The following RASGRP4 variants were observed in gnomAD, a reference collection of about 807,000 sequenced individuals.
RASGRP4 encodes RAS guanyl releasing protein 4, also known as RAS guanyl-releasing protein 4.
RASGRP4 carries 52 observed loss-of-function variants against 84.4 expected under a neutral mutation model. The ratio of observed to expected loss-of-function variants is 0.62; its 90% CI spans 0.49 to 0.78. The LOEUF (loss-of-function observed/expected upper bound fraction) is 0.78, where lower values mean the gene tolerates loss of function less well. Among genes scored for constraint, RASGRP4 ranks in the 30% least tolerant of loss-of-function variants. The pLI is 0.00. For missense variants in RASGRP4, 760 were observed against 886.9 expected, an observed-to-expected ratio of 0.86 and a Z score of 1.82; for synonymous variants, 356 against 359.1, an observed-to-expected ratio of 0.99 and a Z score of 0.10.
rs367931387 is a variant in RASGRP4, at chr19:38,409,803, C to T, written c.*237G>A. 2 of 408,832 alleles carry T rather than the reference C, an allele frequency of 4.9e-6. No homozygotes were observed. The highest frequency in any genetic ancestry group is 4.2e-5 in the African/African-American group (2 of 47,802). 25.3% of individuals were successfully genotyped at this position (408,832 alleles called of 1,614,324 possible). A position where few individuals can be genotyped will look rare whatever the true frequency, so the allele number is the denominator to read the frequency against. The stretch of plus-strand genomic sequence containing the variant: ...GAGGCCTGAGTCTAAATGTATCCAA[C>T]ACACAGCCGCACAGATACTAAGTGC... On this transcript the variant is annotated 3_prime_UTR_variant, in exon 17 of 17. Coordinates refer to ENST00000615439, the MANE Select transcript of RASGRP4 (RefSeq NM_170604.3).
rs1971537097 is a variant in RASGRP4 at position 38,417,266 on chromosome 19, T to A, written c.838-98A>T. The A allele has an allele frequency of 2.7e-6, 2 of 740,408 alleles. No individual in the cohort carries two copies. The highest frequency in any genetic ancestry group is 4.1e-5 in the Admixed American group (2 of 48,556). 45.9% of individuals were successfully genotyped at this position (740,408 alleles called of 1,614,324 possible). A position where few individuals can be genotyped will look rare whatever the true frequency, so the allele number is the denominator to read the frequency against. On this transcript the variant is annotated intron_variant, in intron 7 of 16. Transcript: ENST00000615439. The surrounding 1 kb of genome is among the most constrained non-coding windows in gnomAD (Gnocchi z 5.1). ...CAGTTGAGGTGGGGTCCCAGGCATG[T>A]GTGGACCAATGTGGGGATCAGACAG...
intron 4 of RASGRP4, 105 bp downstream of exon 4, chr19:38,420,803 G>A: frequency 8.6e-7 from 1 of 1,166,900 alleles, no homozygotes; most frequent in Non-Finnish European, 1.3e-6. Flanking sequence ...GGGGCTGGTT[G>A]GGTCTGTGGG....
In RASGRP4 at chr19:38,411,360, C is replaced by T; in HGVS notation, c.1702G>A (p.Gly568Ser). The T allele has an allele frequency of 8.2e-6, 13 of 1,593,790 alleles. No individual in the cohort carries two copies. Among genetic ancestry groups the T allele is most frequent in the Non-Finnish European group, 1.1e-5 (13 of 1,169,654 alleles). The change falls in exon 14 of 17, where the codon GGC (glycine) becomes AGC (serine). Residue 568 changes from glycine to serine, a missense_variant. By Grantham distance (56) the Gly-to-Ser change is moderately conservative. Transcript: ENST00000615439. ...CCCCACTCACCCCGACAGCGGTAGC[C>T]TTGCTTGGTGACACCCCAGAGCTGG... ...SGFLWGVTKQ[G>S]YRCRECGLCC...
chr19:38,413,286 G>C lies in RASGRP4; in HGVS notation c.1323C>G (p.Pro441=), dbSNP rs1217535139. ...PRCPKSLPPS[P]FNAPLVVEWA... Reference sequence around the variant, plus strand: ...ACTCCACCACCAGAGGTGCATTGAAGGGGGAGGGTGGCTGGGGCGGGGACA... The same window carrying C: ...ACTCCACCACCAGAGGTGCATTGAACGGGGAGGGTGGCTGGGGCGGGGACA... The change falls in exon 11 of 17, where the codon CCC becomes CCG. Residue 441 remains proline, a synonymous_variant. Coordinates refer to ENST00000615439, the MANE Select transcript of RASGRP4 (RefSeq NM_170604.3). The surrounding 1 kb of genome is among the most constrained non-coding windows in gnomAD (Gnocchi z 4.7). The C allele has an allele frequency of 1.9e-6, 3 of 1,613,706 alleles. No individual in the cohort carries two copies. Among genetic ancestry groups the C allele is most frequent in the East Asian group, 2.2e-5 (1 of 44,876 alleles).
rs111394357 is a variant in RASGRP4 at position 38,412,284 on chromosome 19, A to AT, written c.1680+387dup. The AT allele has an allele frequency of 0.078, 14,004 of 179,238 alleles. 654 individuals carry two copies. Among genetic ancestry groups the AT allele is most frequent in the African/African-American group, 0.11 (4,752 of 41,910 alleles). 11.1% of individuals were successfully genotyped at this position (179,238 alleles called of 1,614,324 possible). On this transcript the variant is annotated intron_variant, in intron 13 of 16. Transcript: ENST00000615439. This position sits in a 1 kb window ranked among gnomAD's most constrained non-coding sequence, Gnocchi z 4.6. ...AGGTATGCACCACCACATGCAGCTA[A>AT]TTTTTGTATTTTTAGTAGAGACGGG...
At chr19:38,420,361 G>T in intron 4 of RASGRP4, 99 bp from the exon 5 acceptor site, 2 of 1,381,366 alleles carry the variant, frequency 1.4e-6, no homozygotes, top group East Asian at 2.4e-5. Context: ...TGAGCTAGGG[G>T]GTCTCTAAAT....
intron 8 of RASGRP4, among the ~76,000 whole-genome samples, chr19:38,416,748 C>T (rs1461745562): frequency 1.3e-5 from 2 of 152,184 alleles, no homozygotes; most frequent in Non-Finnish European, 2.9e-5. Flanking sequence ...CTGCCACTTT[C>T]TGACCTCAGC....
At chr19:38,416,463 CAA>C (rs765219678) in intron 8 of RASGRP4, among the ~76,000 whole-genome samples, 1,490 of 58,518 alleles carry the variant, frequency 0.025, 16 homozygotes, top group African/African-American at 0.056. Context: ...GACTCTGTCT[CAA>C]AAAAAAAAAA....
intron 2 of RASGRP4, among the ~76,000 whole-genome samples, chr19:38,421,642 G>A (rs942783450): frequency 2.6e-5 from 4 of 152,012 alleles, no homozygotes; most frequent in African/African-American, 9.7e-5. Flanking sequence ...AACCCAGGAG[G>A]TGGGGGTTGC....
intron 1 of RASGRP4, among the ~76,000 whole-genome samples, chr19:38,423,734 G>A (rs920519591): frequency 1.3e-5 from 2 of 152,204 alleles, no homozygotes; most frequent in Middle Eastern, 3.4e-3. Flanking sequence ...CTACTCAGGA[G>A]GCTGAGGCAG....
rs986196766 is a variant in RASGRP4, at chr19:38,417,201, C to T, written c.838-33G>A. 19 of 1,429,502 alleles carry T rather than the reference C, an allele frequency of 1.3e-5. No individual in the cohort carries two copies. Among genetic ancestry groups the T allele is most frequent in the Middle Eastern group, 1.7e-4 (1 of 5,772 alleles). 88.6% of individuals were successfully genotyped at this position (1,429,502 alleles called of 1,614,324 possible). On this transcript the variant is annotated intron_variant, in intron 7 of 16. Transcript: ENST00000615439. The surrounding 1 kb of genome is among the most constrained non-coding windows in gnomAD (Gnocchi z 5.1). ...GAGAAGCATGCACACAGGGCCGTCA[C>T]GGGAGGGAGGGCAAGTCAGGAGTTC...
chr19:38,416,609 C>T (rs1181124814), intron 8 of RASGRP4, among the ~76,000 whole-genome samples: 1 of 152,092 alleles, frequency 6.6e-6, no homozygotes, highest in Non-Finnish European at 1.5e-5. Flanking sequence ...CACACTGTAC[C>T]CAGCCTATAA....
chr19:38,418,719 T>C lies in RASGRP4; in HGVS notation c.664-155A>G, dbSNP rs1033231099. 6.6e-6 allele frequency among the ~76,000 whole-genome samples: 1 copy of C among 152,236 alleles called. No homozygotes were observed. Among genetic ancestry groups the C allele is most frequent in the Non-Finnish European group, 1.5e-5 (1 of 68,044 alleles). On this transcript the variant is annotated intron_variant, in intron 6 of 16. Coordinates refer to ENST00000615439, the MANE Select transcript of RASGRP4 (RefSeq NM_170604.3). The surrounding 1 kb of genome is among the most constrained non-coding windows in gnomAD (Gnocchi z 4.6). The stretch of plus-strand genomic sequence containing the variant: ...CCAACCCTCAGGCTGCTACATGTCC[T>C]TAACGTCACCATGCTCCTCTCCCAT...
intron 13 of RASGRP4, among the ~76,000 whole-genome samples, chr19:38,411,786 T>C (rs1971267934): frequency 6.6e-6 from 1 of 152,238 alleles, no homozygotes; most frequent in African/African-American, 2.4e-5. Context: ...GTTACTAAAA[T>C]GCAAATTCTA....
At position 38,417,172 on chromosome 19, in the gene RASGRP4, G is replaced by A. The variant is rs372712950; in HGVS notation, c.838-4C>T. Reference sequence around the variant, plus strand: ...AATTCTGCAGCTGGTGGAGCCTCTAGGAAGAGAAGCATGCACACAGGGCCG... The same window carrying A: ...AATTCTGCAGCTGGTGGAGCCTCTAAGAAGAGAAGCATGCACACAGGGCCG... On this transcript the variant is annotated splice_region_variant and splice_polypyrimidine_tract_variant and intron_variant, in intron 7 of 16. Transcript: ENST00000615439. The surrounding 1 kb of genome is among the most constrained non-coding windows in gnomAD (Gnocchi z 5.1). 1.9e-6 allele frequency: 3 copies of A among 1,547,630 alleles called. No individual in the cohort carries two copies. Among genetic ancestry groups the A allele is most frequent in the Non-Finnish European group, 8.8e-7 (1 of 1,142,468 alleles).
Position 38,426,185 on chromosome 19 carries a change from A to T in RASGRP4, c.-94T>A. 2.0e-6 allele frequency: 2 copies of T among 1,022,750 alleles called. No individual in the cohort carries two copies. Among genetic ancestry groups the T allele is most frequent in the Non-Finnish European group, 1.3e-6 (1 of 783,000 alleles). The allele number at this position is 1,022,750 out of a possible 1,614,324, so 63.4% of individuals were successfully genotyped here. A position where few individuals can be genotyped will look rare whatever the true frequency, so the allele number is the denominator to read the frequency against. Reference sequence around the variant, plus strand: ...GACTCCAGCTTCTCAGCCCCTAGGGAGCTGGGGCCTCCTCGGTGCTTGGGA... The same window carrying T: ...GACTCCAGCTTCTCAGCCCCTAGGGTGCTGGGGCCTCCTCGGTGCTTGGGA... On this transcript the variant is annotated 5_prime_UTR_variant, in exon 1 of 17. Coordinates refer to ENST00000615439, the MANE Select transcript of RASGRP4 (RefSeq NM_170604.3).
At chr19:38,415,580 C>G (rs1284836875) in intron 8 of RASGRP4, among the ~76,000 whole-genome samples, 2 of 151,560 alleles carry the variant, frequency 1.3e-5, no homozygotes, top group African/African-American at 4.8e-5. Flanking sequence ...ACCATGTTGG[C>G]CAGGCTGGTC....
chr19:38,410,966 G>T lies in RASGRP4; in HGVS notation c.1885C>A (p.Leu629Met), dbSNP rs1971221758. 6.2e-7 allele frequency: 1 copy of T among 1,602,170 alleles called. No homozygotes were observed. The stretch of plus-strand genomic sequence containing the variant: ...AGCTGGCACCCAGTCTCAGGCTCCA[G>T]GGATAGCGTGTAGGAGTGATTTTCC... ...SEENHSYTLS[L>M]EPETGCQLRH... is the part of the protein sequence containing the mutation. The change falls in exon 16 of 17, where the codon CTG (leucine) becomes ATG (methionine). Residue 629 changes from leucine (L) to methionine (M), a missense_variant. By Grantham distance (15) the Leu-to-Met change is conservative. Coordinates refer to ENST00000615439, the MANE Select transcript of RASGRP4 (RefSeq NM_170604.3).
In RASGRP4 at chr19:38,420,031, C is replaced by T. The variant is rs529008920; in HGVS notation, c.510-18G>A. ...GGCTCAGGCTGGGGGCCAAGAGGGG[C>T]AGGGTATTGGAGTGGCTCACAGTTG... is the stretch of plus-strand genomic sequence containing the variant. On this transcript the variant is annotated intron_variant, in intron 5 of 16. Transcript: ENST00000615439. 6.2e-7 allele frequency: 1 copy of T among 1,612,888 alleles called. No individual in the cohort carries two copies. The highest frequency in any genetic ancestry group is 1.3e-5 in the African/African-American group (1 of 75,012).
Sources: gnomAD v4.1 joint callset for allele counts (sites outside exome capture counted in the v4.1 genomes callset) on GRCh38, gnomAD v4.1.1 for gene constraint, Gnocchi (gnomAD v3.1) non-coding constraint, MANE v1.5 for transcripts, NCBI Gene and HGNC (gene_info 2026-07-23, HGNC 2026-07-21) for gene names.